The following NGLY1 variants were observed in gnomAD, a reference collection of about 807,000 sequenced individuals.
NGLY1 encodes peptide-N(4)-(N-acetyl-beta-glucosaminyl)asparagine amidase.
A neutral mutation model predicts 84.6 loss-of-function variants in NGLY1; 68 were observed. The observed-to-expected ratio is 0.80, with a 90% CI of 0.66 to 0.98. The LOEUF is 0.98. NGLY1 is among the 50% of genes least tolerant of loss of function. NGLY1 has a pLI of 0.00. For missense variants in NGLY1, 779 were observed against 770.2 expected (o/e 1.01, Z -0.14); for synonymous variants, 280 against 275.2 (o/e 1.02, Z -0.17).
intron 7 of NGLY1, chr3:25,735,755 TTG>T: frequency 6.1e-6 from 2 of 326,236 alleles, no homozygotes; most frequent in South Asian, 5.7e-5. Context: ...GCAGCTTAAT[TTG>T]AAATTGTGAA....
intron 2 of NGLY1, among the ~76,000 whole-genome samples, chr3:25,765,327 GCGGGT>G (rs1184285801): frequency 6.6e-6 from 1 of 152,100 alleles, no homozygotes; most frequent in Non-Finnish European, 1.5e-5. Flanking sequence ...GGGCATGGTG[GCGGGT>G]GCCTGTAATC....
chr3:25,783,192 C>A lies in NGLY1; in HGVS notation c.131+68G>T. On this transcript the variant is annotated intron_variant, in intron 1 of 11. Coordinates refer to ENST00000280700, the MANE Select transcript of NGLY1 (RefSeq NM_018297.4). This position sits in a 1 kb window ranked among gnomAD's most constrained non-coding sequence, Gnocchi z 4.5. The stretch of plus-strand genomic sequence containing the variant: ...TGAAGCTCAGGCCGGACGCCCCAGT[C>A]CCTGGCCGAACAAGGTGCCGCGGCC... The A allele has an allele frequency of 2.1e-6, 3 of 1,461,342 alleles. No homozygotes were observed. Among genetic ancestry groups the A allele is most frequent in the Non-Finnish European group, 2.8e-6 (3 of 1,053,300 alleles). 90.5% of individuals were successfully genotyped at this position (1,461,342 alleles called of 1,614,324 possible). A position where few individuals can be genotyped will look rare whatever the true frequency, so the allele number is the denominator to read the frequency against.
intron 6 of NGLY1, 73 bp downstream of exon 6, chr3:25,737,261 G>A: frequency 3.1e-6 from 4 of 1,283,984 alleles, no homozygotes; most frequent in South Asian, 1.5e-5. Context: ...AGAGAATCAT[G>A]GGCTCAGAAT....
chr3:25,754,808 TACGA>T, intron 3 of NGLY1: 1 of 384,010 alleles, frequency 2.6e-6, no homozygotes, highest in Middle Eastern at 7.1e-4. Context: ...TTTTTTTTGA[TACGA>T]GCAACTGGGT....
chr3:25,757,327 C>T (rs1362153306), intron 3 of NGLY1, among the ~76,000 whole-genome samples: 1 of 152,180 alleles, frequency 6.6e-6, no homozygotes, highest in African/African-American at 2.4e-5. Flanking sequence ...CTAGTCCTAG[C>T]TCCATCATTC....
intron 2 of NGLY1, among the ~76,000 whole-genome samples, chr3:25,769,708 A>T (rs1707800624): frequency 6.6e-6 from 1 of 152,204 alleles, no homozygotes; most frequent in South Asian, 2.1e-4. Flanking sequence ...ACACATCCAA[A>T]AAAAGTAATC....
intron 5 of NGLY1, among the ~76,000 whole-genome samples, chr3:25,738,327 T>C (rs1705945103): frequency 6.6e-6 from 1 of 152,218 alleles, no homozygotes; most frequent in African/African-American, 2.4e-5. Context: ...TGCCTGCTAA[T>C]TTGGAAGTTG....
At chr3:25,730,858 T>C (rs1234821739) in intron 9 of NGLY1, among the ~76,000 whole-genome samples, 1 of 152,112 alleles carries the variant, frequency 6.6e-6, no homozygotes, top group Non-Finnish European at 1.5e-5. Flanking sequence ...GATATTGTGA[T>C]GAGTTATTTT....
intron 4 of NGLY1, chr3:25,750,004 G>A (rs1706647563): frequency 1.8e-6 from 1 of 542,958 alleles, no homozygotes; most frequent in East Asian, 3.4e-5. Context: ...GTACCAGTTT[G>A]TTCTTATGCT....
intron 2 of NGLY1, among the ~76,000 whole-genome samples, chr3:25,774,169 T>C (rs1004901754): frequency 6.6e-6 from 1 of 152,200 alleles, no homozygotes; most frequent in East Asian, 1.9e-4. Context: ...GTGGTGGAAT[T>C]AGCTGTTGTA....
rs755705306 is a variant in NGLY1, at chr3:25,739,793, T to C, written c.665A>G (p.Asn222Ser). Residue 222 changes from asparagine (N) to serine (S), a missense_variant, in exon 5 of 12, where the codon AAT becomes AGT. Transcript: ENST00000280700. ...SRARKLDKGI[N>S]ISDEDFLLLE... ...CAAAAGAAAATCCTCATCACTTATA[T>C]TGATACCTGAGAAATTAAGGGAGGA... The C allele has an allele frequency of 1.6e-5, 25 of 1,612,818 alleles. No individual in the cohort carries two copies. The East Asian group carries it at 2.0e-4, about 13-fold the overall frequency.
chr3:25,784,488 T>C (rs915965079), upstream of NGLY1, among the ~76,000 whole-genome samples: 1 of 152,220 alleles, frequency 6.6e-6, no homozygotes, highest in Non-Finnish European at 1.5e-5. Flanking sequence ...CCTTACTACT[T>C]TAATCCAGTC....
At chr3:25,758,697 C>T (rs147452580) in intron 3 of NGLY1, among the ~76,000 whole-genome samples, 32 of 152,038 alleles carry the variant, frequency 2.1e-4, no homozygotes, top group African/African-American at 7.5e-4. Flanking sequence ...AACACATAAA[C>T]AAATGAACAA....
chr3:25,744,347 C>G (rs534585766), intron 4 of NGLY1, among the ~76,000 whole-genome samples: 2 of 152,278 alleles, frequency 1.3e-5, no homozygotes, highest in South Asian at 4.2e-4. Context: ...TTCAGTCTAC[C>G]AGGCCAAAGC....
intron 3 of NGLY1, chr3:25,754,789 T>C: frequency 2.3e-5 from 1 of 43,996 alleles, no homozygotes; most frequent in South Asian, 2.9e-4. Flanking sequence ...TGACTCGTGC[T>C]TTTTTTTTTT....
intron 1 of NGLY1, chr3:25,789,682 A>G (rs1708679272): frequency 1.3e-6 from 1 of 742,368 alleles, no homozygotes; most frequent in Admixed American, 2.7e-5. Context: ...ATTCCACTTT[A>G]CTCACAATTA....
At chr3:25,788,930 T>A (rs1708660658) in intron 1 of NGLY1, among the ~76,000 whole-genome samples, 1 of 152,190 alleles carries the variant, frequency 6.6e-6, no homozygotes. Context: ...CTCACATTCT[T>A]CTGTAGGGGT....
At chr3:25,771,470 ATG>A (rs764444960) in intron 2 of NGLY1, among the ~76,000 whole-genome samples, 5 of 152,172 alleles carry the variant, frequency 3.3e-5, no homozygotes, top group Non-Finnish European at 5.9e-5. Flanking sequence ...AGGTCAAGTA[ATG>A]TGATTTCTCC....
At chr3:25,726,707 A>G (rs1480938999) in intron 10 of NGLY1, among the ~76,000 whole-genome samples, 1 of 152,168 alleles carries the variant, frequency 6.6e-6, no homozygotes, top group Non-Finnish European at 1.5e-5. Context: ...TCAGTTAAGG[A>G]TTAAGTTTTT....
Sources: gnomAD v4.1 joint callset for allele counts (sites outside exome capture counted in the v4.1 genomes callset) on GRCh38, gnomAD v4.1.1 for gene constraint, Gnocchi (gnomAD v3.1) non-coding constraint, MANE v1.5 for transcripts, NCBI Gene and HGNC (gene_info 2026-07-23, HGNC 2026-07-21) for gene names.